The following PPM1E variants were observed in gnomAD, a reference collection of about 807,000 sequenced individuals.
PPM1E encodes the protein protein phosphatase, Mg2+/Mn2+ dependent 1E.
In PPM1E, 20 loss-of-function variants were observed where a neutral mutation model predicts 65.9. That is an observed-to-expected ratio of 0.30 (90% CI 0.21 to 0.44). PPM1E has a LOEUF of 0.44. PPM1E is among the 20% of genes least tolerant of loss of function. PPM1E has a pLI of 1.00. For missense variants in PPM1E, 713 were observed against 953.1 expected, an observed-to-expected ratio of 0.75 and a Z score of 3.32; for synonymous variants, 352 against 374.9, an observed-to-expected ratio of 0.94 and a Z score of 0.70.
intron 1 of PPM1E, among the ~76,000 whole-genome samples, chr17:58,852,819 G>C (rs892876536): frequency 6.6e-6 from 1 of 151,978 alleles, no homozygotes; most frequent in African/African-American, 2.4e-5. Flanking sequence ...GGCCAGGATG[G>C]TCTCGATCTC....
Position 58,792,138 on chromosome 17 carries a change from T to C in PPM1E, c.464+35677T>C, listed in dbSNP as rs2050162502. On this transcript the variant is annotated intron_variant, in intron 1 of 6. Coordinates refer to ENST00000308249, the MANE Select transcript of PPM1E (RefSeq NM_014906.5). ...AAGTTTACTTCACTGGAACTTTCCTTGAAGATTCCAAGTTAAATATGCCTC... is the reference window on the plus strand; with the variant it reads ...AAGTTTACTTCACTGGAACTTTCCTCGAAGATTCCAAGTTAAATATGCCTC... Among the ~76,000 whole-genome samples the C allele has an allele frequency of 2.0e-5, 3 of 151,806 alleles. 1 individual carries two copies. The highest frequency in any genetic ancestry group is 2.0e-4 in the Admixed American group (3 of 15,222).
chr17:58,969,143 A>C (rs1177212462), intron 3 of PPM1E, among the ~76,000 whole-genome samples: 1 of 152,170 alleles, frequency 6.6e-6, no homozygotes, highest in Non-Finnish European at 1.5e-5. Context: ...TTTCATTTTG[A>C]AAAAAATCAC....
chr17:58,958,491 C>T (rs535559667), intron 2 of PPM1E, among the ~76,000 whole-genome samples: 1 of 151,652 alleles, frequency 6.6e-6, no homozygotes, highest in African/African-American at 2.4e-5. Flanking sequence ...GGTTTATGGT[C>T]GTGAGCCACT....
At chr17:58,808,497 G>T (rs1281860728) in intron 1 of PPM1E, among the ~76,000 whole-genome samples, 1 of 151,398 alleles carries the variant, frequency 6.6e-6, no homozygotes, top group African/African-American at 2.4e-5. Flanking sequence ...ATAGTCTTTT[G>T]TTATATTTCT....
intron 1 of PPM1E, among the ~76,000 whole-genome samples, chr17:58,839,206 C>T (rs2050692765): frequency 2.0e-5 from 3 of 152,050 alleles, no homozygotes; most frequent in African/African-American, 7.2e-5. Flanking sequence ...ATGGTGGCTT[C>T]TGCCTGTAAT....
At chr17:58,945,331 C>CG (rs974868220) in intron 1 of PPM1E, among the ~76,000 whole-genome samples, 10 of 152,162 alleles carry the variant, frequency 6.6e-5, no homozygotes, top group Admixed American at 6.5e-4. Flanking sequence ...TTAGTAGAGA[C>CG]GGGGTTTCAT....
chr17:58,773,868 T>C (rs1459886634), intron 1 of PPM1E, among the ~76,000 whole-genome samples: 3 of 152,178 alleles, frequency 2.0e-5, no homozygotes, highest in East Asian at 3.9e-4. Context: ...TGAATAAAAA[T>C]TGTAGGTAAT....
intron 2 of PPM1E, 116 bp downstream of exon 2, chr17:58,955,883 T>C (rs1161022972): frequency 4.0e-6 from 5 of 1,240,200 alleles, no homozygotes; most frequent in Middle Eastern, 2.1e-4. Context: ...TGGTTGTTTA[T>C]GTAGTGGTAG....
chr17:58,926,601 G>C (rs945157028), intron 1 of PPM1E, among the ~76,000 whole-genome samples: 1 of 152,096 alleles, frequency 6.6e-6, no homozygotes, highest in South Asian at 2.1e-4. Flanking sequence ...TGTGCTGCCA[G>C]ATTATTTTCC....
chr17:58,891,531 G>A (rs1279737565), intron 1 of PPM1E, among the ~76,000 whole-genome samples: 1 of 151,636 alleles, frequency 6.6e-6, no homozygotes, highest in Non-Finnish European at 1.5e-5. Flanking sequence ...CACCATATTG[G>A]CCAGGCTGGT....
intron 2 of PPM1E, 77 bp from the exon 3 acceptor site, chr17:58,965,617 T>C: frequency 7.0e-7 from 1 of 1,429,056 alleles, no homozygotes; most frequent in Non-Finnish European, 9.7e-7. Flanking sequence ...GTGACCTACT[T>C]CTGTCTTTAC....
intron 1 of PPM1E, among the ~76,000 whole-genome samples, chr17:58,789,443 C>T (rs2050134992): frequency 6.6e-6 from 1 of 152,078 alleles, no homozygotes; most frequent in African/African-American, 2.4e-5. Flanking sequence ...TACTCATTGC[C>T]TTCTAACTTT....
intron 1 of PPM1E, among the ~76,000 whole-genome samples, chr17:58,858,250 G>T (rs1451158106): frequency 6.6e-6 from 1 of 152,052 alleles, no homozygotes; most frequent in Non-Finnish European, 1.5e-5. Context: ...TACATATAAT[G>T]TATAGTGATC....
intron 1 of PPM1E, among the ~76,000 whole-genome samples, chr17:58,798,039 G>C (rs2050222160): frequency 6.6e-6 from 1 of 152,060 alleles, no homozygotes; most frequent in African/African-American, 2.4e-5. Context: ...TGATTTTGAG[G>C]ATCTTTTCAT....
chr17:58,919,883 C>T (rs1250958444), intron 1 of PPM1E, among the ~76,000 whole-genome samples: 1 of 152,146 alleles, frequency 6.6e-6, no homozygotes, highest in African/African-American at 2.4e-5. Context: ...ACCATTGGCA[C>T]TGACAGTTTT....
chr17:58,855,058 A>G (rs2050867561), intron 1 of PPM1E, among the ~76,000 whole-genome samples: 1 of 152,200 alleles, frequency 6.6e-6, no homozygotes, highest in South Asian at 2.1e-4. Flanking sequence ...GAGTTAACCC[A>G]GTCATATGGG....
intron 1 of PPM1E, among the ~76,000 whole-genome samples, chr17:58,944,417 G>A (rs559350928): frequency 4.6e-5 from 7 of 151,896 alleles, no homozygotes; most frequent in East Asian, 1.9e-4. Context: ...TTGTTCAACC[G>A]TCACCCTAAG....
chr17:58,972,330 C>A, intron 5 of PPM1E, 55 bp downstream of exon 5: 1 of 1,530,750 alleles, frequency 6.5e-7, no homozygotes. Flanking sequence ...TTTAGATTTT[C>A]TAGTTATTGA....
intron 1 of PPM1E, among the ~76,000 whole-genome samples, chr17:58,843,156 G>A (rs1163943899): frequency 2.0e-5 from 3 of 151,312 alleles, no homozygotes; most frequent in East Asian, 1.9e-4. Context: ...GCATGGTGGC[G>A]GCGCCTGTAG....
Sources: gnomAD v4.1 joint callset for allele counts (sites outside exome capture counted in the v4.1 genomes callset) on GRCh38, gnomAD v4.1.1 for gene constraint, MANE v1.5 for transcripts, NCBI Gene and HGNC (gene_info 2026-07-23, HGNC 2026-07-21) for gene names.